The following LIMA1 variants were observed in gnomAD, a reference collection of about 807,000 sequenced individuals.
LIMA1 encodes the protein LIM domain and actin-binding protein 1.
A neutral mutation model predicts 62.6 loss-of-function variants in LIMA1; 52 were observed. That is an observed-to-expected ratio of 0.83 (90% CI 0.67 to 1.05). The LOEUF (loss-of-function observed/expected upper bound fraction) is 1.05, where lower values mean the gene tolerates loss of function less well. LIMA1 is among the 50% of genes least tolerant of loss of function. LIMA1 has a pLI of 0.00. For synonymous variants in LIMA1, 302 were observed against 317.8 expected, an observed-to-expected ratio of 0.95 and a Z score of 0.53; for missense variants, 780 against 902.2, an observed-to-expected ratio of 0.86 and a Z score of 1.74.
chr12:50,229,372 A>C (rs980915076), intron 3 of LIMA1, among the ~76,000 whole-genome samples: 7 of 152,162 alleles, frequency 4.6e-5, no homozygotes, highest in African/African-American at 1.7e-4. Context: ...ATAAAAAAGG[A>C]TGAGTTCATG....
At chr12:50,179,403 G>C (rs553642887) in intron 10 of LIMA1, among the ~76,000 whole-genome samples, 3 of 149,788 alleles carry the variant, frequency 2.0e-5, no homozygotes, top group African/African-American at 7.4e-5. Flanking sequence ...GCCTCCCAAA[G>C]GGCTGGGATT....
chr12:50,248,487 C>A, intron 2 of LIMA1, 146 bp downstream of exon 2: 1 of 550,880 alleles, frequency 1.8e-6, no homozygotes, highest in East Asian at 2.9e-5. Context: ...CCTCCTCCTT[C>A]TCCACAGTAC....
At position 50,176,503 on chromosome 12, in the gene LIMA1, A is replaced by C. The variant is rs1468158095; in HGVS notation, c.*561T>G. ...GATGTAGTTTAGAGAGCAGGACATA[A>C]AGTAGTAAATTCCTCATATATATCA... On this transcript the variant is annotated 3_prime_UTR_variant, in exon 11 of 11. Coordinates refer to ENST00000341247, the MANE Select transcript of LIMA1 (RefSeq NM_016357.5). 1 of 152,508 alleles carries C rather than the reference A, an allele frequency of 6.6e-6. No individual in the cohort carries two copies. The highest frequency in any genetic ancestry group is 1.5e-5 in the Non-Finnish European group (1 of 68,082). 9.4% of individuals were successfully genotyped at this position (152,508 alleles called of 1,614,324 possible).
intron 10 of LIMA1, among the ~76,000 whole-genome samples, chr12:50,178,752 G>A (rs1191109952): frequency 6.6e-6 from 1 of 151,796 alleles, no homozygotes; most frequent in African/African-American, 2.4e-5. Context: ...GTACCAATCT[G>A]TACCCAATCA....
chr12:50,236,991 A>G (rs1008694515), intron 2 of LIMA1, among the ~76,000 whole-genome samples: 1 of 152,198 alleles, frequency 6.6e-6, no homozygotes, highest in African/African-American at 2.4e-5. Flanking sequence ...TCTGTCTTAC[A>G]TTGCTGGTGG....
At chr12:50,243,926 T>C (rs1413587663) in intron 2 of LIMA1, among the ~76,000 whole-genome samples, 1 of 151,906 alleles carries the variant, frequency 6.6e-6, no homozygotes, top group Admixed American at 6.6e-5. Flanking sequence ...TTTCTTTTTT[T>C]TTTTCTGAGA....
chr12:50,248,032 G>A (rs563782960), intron 2 of LIMA1, among the ~76,000 whole-genome samples: 17 of 152,324 alleles, frequency 1.1e-4, no homozygotes, highest in African/African-American at 1.7e-4. Context: ...ATGATGAAAT[G>A]TTTCTGTGCT....
chr12:50,197,359 C>T (rs1236367347), intron 7 of LIMA1, among the ~76,000 whole-genome samples: 1 of 151,870 alleles, frequency 6.6e-6, no homozygotes, highest in East Asian at 1.9e-4. Context: ...CGTGAGCCAC[C>T]TCGCCAGGCA....
intron 1 of LIMA1, among the ~76,000 whole-genome samples, chr12:50,268,664 C>G (rs1942168945): frequency 6.6e-6 from 1 of 151,896 alleles, no homozygotes; most frequent in South Asian, 2.1e-4. Flanking sequence ...GTCTTGAACT[C>G]CTGGGCTCAA....
intron 4 of LIMA1, among the ~76,000 whole-genome samples, chr12:50,214,462 T>C (rs1367870135): frequency 6.6e-6 from 1 of 152,242 alleles, no homozygotes; most frequent in Non-Finnish European, 1.5e-5. Flanking sequence ...TTGATGTTAA[T>C]AGTTATTCAA....
chr12:50,219,468 G>C (rs1016231715), intron 4 of LIMA1: 1 of 152,168 alleles, frequency 6.6e-6, no homozygotes, highest in Non-Finnish European at 1.5e-5. Context: ...CTGAGTAACA[G>C]TGAGAGATTC....
chr12:50,225,934 C>G (rs1261660207), intron 3 of LIMA1, among the ~76,000 whole-genome samples: 1 of 152,104 alleles, frequency 6.6e-6, no homozygotes, highest in African/African-American at 2.4e-5. Context: ...AATTATTTGC[C>G]AACTGTTTAG....
chr12:50,245,412 CAAA>C (rs1298537875), intron 2 of LIMA1, among the ~76,000 whole-genome samples: 19 of 83,686 alleles, frequency 2.3e-4, no homozygotes, highest in East Asian at 1.0e-3. Context: ...GACCCTGTCT[CAAA>C]AAAAAAAAAA....
Position 50,215,816 on chromosome 12 carries a change from G to A in LIMA1, c.630+6205C>T, listed in dbSNP as rs189940494. On this transcript the variant is annotated intron_variant, in intron 4 of 10. Coordinates refer to ENST00000341247, the MANE Select transcript of LIMA1 (RefSeq NM_016357.5). ...TAAAATCCCAGCACTTTGGAAGGCC[G>A]AGGTGGGTGGATCACTTGAGGCTGG... 2.0e-5 allele frequency among the ~76,000 whole-genome samples: 3 copies of A among 152,138 alleles called. No homozygotes were observed. In the East Asian group the frequency reaches 5.8e-4, roughly 30 times the overall value.
At chr12:50,227,952 T>C (rs1484195610) in intron 3 of LIMA1, among the ~76,000 whole-genome samples, 1 of 151,518 alleles carries the variant, frequency 6.6e-6, no homozygotes, top group Non-Finnish European at 1.5e-5. Flanking sequence ...CTCCGCCTCC[T>C]GGGTTCATGC....
intron 1 of LIMA1, chr12:50,249,685 T>C (rs1446061549): frequency 3.9e-5 from 6 of 152,174 alleles, no homozygotes; most frequent in African/African-American, 1.4e-4. Context: ...GTTCCAACCT[T>C]TGTCCAGAAG....
chr12:50,249,894 G>A (rs1032657003), intron 1 of LIMA1: 1 of 152,166 alleles, frequency 6.6e-6, no homozygotes, highest in African/African-American at 2.4e-5. Flanking sequence ...TAACTGATCT[G>A]GTTGAATGTA....
intron 9 of LIMA1, among the ~76,000 whole-genome samples, chr12:50,184,824 GTTTT>G (rs948004148): frequency 1.3e-5 from 2 of 151,708 alleles, no homozygotes; most frequent in Non-Finnish European, 1.5e-5. Context: ...TGCGTTTTTT[GTTTT>G]TTTTGTTTTG....
At chr12:50,256,529 C>T (rs1024108063) in intron 1 of LIMA1, among the ~76,000 whole-genome samples, 1 of 152,136 alleles carries the variant, frequency 6.6e-6, no homozygotes, top group African/African-American at 2.4e-5. Flanking sequence ...TTTTAATTAA[C>T]GTCTTATTTC....
Sources: allele counts gnomAD v4.1 joint callset (sites outside exome capture counted in the v4.1 genomes callset), GRCh38; gene constraint gnomAD v4.1.1; transcripts MANE v1.5; gene names NCBI Gene and HGNC (gene_info 2026-07-23, HGNC 2026-07-21).